SLC5A4: variants seen among roughly 807,000 people sequenced by gnomAD.
SLC5A4 encodes solute carrier family 5 member 4, also known as probable glucose sensor protein SLC5A4.
SLC5A4 carries 55 observed loss-of-function variants against 70.3 expected under a neutral mutation model. That is an observed-to-expected ratio of 0.78 (90% CI 0.63 to 0.98). SLC5A4 has a LOEUF of 0.98. Ranked by LOEUF, SLC5A4 falls within the 50% of genes least tolerant of loss-of-function variation. SLC5A4 has a pLI of 0.00. For missense variants in SLC5A4, 735 were observed against 839.2 expected, an observed-to-expected ratio of 0.88 and a Z score of 1.53; for synonymous variants, 268 against 305.7, an observed-to-expected ratio of 0.88 and a Z score of 1.29.
chr22:32,284,176 G>A, the SLC5A4 span, among the ~76,000 whole-genome samples: 1 of 152,152 alleles, frequency 6.6e-6, no homozygotes, highest in Admixed American at 6.5e-5. Flanking sequence ...TAGGAAAACA[G>A]AACCAAAAAG....
the SLC5A4 span, among the ~76,000 whole-genome samples, chr22:32,274,041 A>ATTT: frequency 3.6e-5 from 5 of 139,124 alleles, no homozygotes; most frequent in Non-Finnish European, 3.1e-5. Context: ...TTGATATTCT[A>ATTT]TTTTTTTTTT....
At chr22:32,328,971 G>T in the SLC5A4 span, among the ~76,000 whole-genome samples, 1 of 152,208 alleles carries the variant, frequency 6.6e-6, no homozygotes, top group Non-Finnish European at 1.5e-5. Context: ...CAGGCTGCCT[G>T]GGAAGGTCTT....
chr22:32,254,042 A>G lies in SLC5A4; in HGVS notation c.207+100T>C, dbSNP rs536498440. On this transcript the variant is annotated intron_variant, in intron 2 of 14. Coordinates refer to ENST00000266086, the MANE Select transcript of SLC5A4 (RefSeq NM_014227.3). ...ATGATCTGCCAGCCTTGGCCTCCCA[A>G]AGTGCTGGGATTACAGGCGTGAGAC... 255 of 935,474 alleles carry G rather than the reference A, an allele frequency of 2.7e-4. No individual in the cohort carries two copies. The African/African-American group carries it at 3.8e-3, about 14-fold the overall frequency. 57.9% of individuals were successfully genotyped at this position (935,474 alleles called of 1,614,324 possible).
At chr22:32,354,085 C>T in the SLC5A4 span, among the ~76,000 whole-genome samples, 2,578 of 150,656 alleles carry the variant, frequency 0.017, 66 homozygotes, top group African/African-American at 0.054. Context: ...CCAGGTAGCA[C>T]ACCCACCAGC....
the SLC5A4 span, among the ~76,000 whole-genome samples, chr22:32,264,558 G>A: frequency 6.6e-6 from 1 of 152,138 alleles, no homozygotes; most frequent in Non-Finnish European, 1.5e-5. Flanking sequence ...GTGGGCGACA[G>A]AGACCCAGTC....
At chr22:32,294,271 T>A in the SLC5A4 span, among the ~76,000 whole-genome samples, 1 of 152,250 alleles carries the variant, frequency 6.6e-6, no homozygotes, top group Non-Finnish European at 1.5e-5. Flanking sequence ...TCATTCTGGA[T>A]GTTTTCTTGT....
At chr22:32,294,910 C>T in the SLC5A4 span, among the ~76,000 whole-genome samples, 2 of 97,810 alleles carry the variant, frequency 2.0e-5, 1 homozygote, top group South Asian at 7.3e-4. Context: ...TGAGAATATG[C>T]AGTGTTTGGT....
chr22:32,259,706 A>C (rs1927661502), upstream of SLC5A4, among the ~76,000 whole-genome samples: 1 of 152,216 alleles, frequency 6.6e-6, no homozygotes, highest in South Asian at 2.1e-4. Context: ...TGCAAGCCTC[A>C]TGTAATGAGT....
the SLC5A4 span, chr22:32,271,943 C>A: frequency 1.7e-6 from 1 of 583,144 alleles, no homozygotes; most frequent in South Asian, 1.7e-5. Context: ...CTGCATCCCA[C>A]ATGACTGGCG....
the SLC5A4 span, among the ~76,000 whole-genome samples, chr22:32,311,297 T>C: frequency 6.6e-6 from 1 of 152,102 alleles, no homozygotes; most frequent in African/African-American, 2.4e-5. Flanking sequence ...GGGCAGTCAG[T>C]GTGAGAACAC....
the SLC5A4 span, among the ~76,000 whole-genome samples, chr22:32,334,752 A>G: frequency 0.057 from 8,649 of 152,130 alleles, 266 homozygotes; most frequent in South Asian, 0.088. Flanking sequence ...CGTCAGCGGC[A>G]CTCCAGTAAG....
chr22:32,305,164 T>TA, the SLC5A4 span, among the ~76,000 whole-genome samples: 1 of 151,988 alleles, frequency 6.6e-6, no homozygotes, highest in African/African-American at 2.4e-5. Context: ...TATGTACTTT[T>TA]AAAAAAATTT....
At chr22:32,230,134 G>C (rs1273555574) in intron 10 of SLC5A4, among the ~76,000 whole-genome samples, 3 of 152,174 alleles carry the variant, frequency 2.0e-5, no homozygotes, top group Non-Finnish European at 1.5e-5. Context: ...GTGTGGATGG[G>C]AAGCATGTGG....
intron 2 of SLC5A4, among the ~76,000 whole-genome samples, chr22:32,253,197 T>C (rs1157977404): frequency 6.6e-6 from 1 of 152,160 alleles, no homozygotes; most frequent in Non-Finnish European, 1.5e-5. Context: ...GAAGGAAGCA[T>C]TTGCTAAGCA....
chr22:32,304,400 CA>C, the SLC5A4 span, among the ~76,000 whole-genome samples: 123 of 152,262 alleles, frequency 8.1e-4, 1 homozygote, highest in East Asian at 0.022. Context: ...CTCAGCCTCT[CA>C]AAAGTACTGG....
the SLC5A4 span, among the ~76,000 whole-genome samples, chr22:32,324,470 G>C: frequency 6.6e-6 from 1 of 152,032 alleles, no homozygotes; most frequent in Non-Finnish European, 1.5e-5. Context: ...CACTCCAAAG[G>C]AGTCTTTCCA....
At chr22:32,249,241 A>T (rs1405131025) in intron 3 of SLC5A4, among the ~76,000 whole-genome samples, 1 of 152,194 alleles carries the variant, frequency 6.6e-6, no homozygotes, top group Non-Finnish European at 1.5e-5. Context: ...TTTTACAGAG[A>T]GTCTTCACAT....
chr22:32,279,608 C>T, the SLC5A4 span, among the ~76,000 whole-genome samples: 1 of 152,146 alleles, frequency 6.6e-6, no homozygotes, highest in East Asian at 1.9e-4. Context: ...CTGGCCAACA[C>T]GGTGAAACAC....
intron 2 of SLC5A4, among the ~76,000 whole-genome samples, chr22:32,252,624 G>T (rs73164053): frequency 6.6e-6 from 1 of 152,076 alleles, no homozygotes; most frequent in Admixed American, 6.5e-5. Context: ...AGAAAAGCTC[G>T]TTGGCCCCTG....
Sources: allele counts gnomAD v4.1 joint callset (sites outside exome capture counted in the v4.1 genomes callset), GRCh38; gene constraint gnomAD v4.1.1; transcripts MANE v1.5; gene names NCBI Gene and HGNC (gene_info 2026-07-23, HGNC 2026-07-21).